Variants in THEM6 observed in about 807,000 individuals in gnomAD.
The protein encoded by THEM6 is protein THEM6.
Under a neutral mutation model 13.7 loss-of-function variants are expected in THEM6, and 10 were observed. That is an observed-to-expected ratio of 0.73 (90% CI 0.45 to 1.24). The LOEUF (loss-of-function observed/expected upper bound fraction) is 1.24. Ranked by LOEUF, THEM6 falls within the 50% of genes most tolerant of loss-of-function variation. THEM6 has a pLI of 0.00. For missense variants in THEM6, 317 were observed against 312.6 expected, an observed-to-expected ratio of 1.01 and a Z score of -0.11; for synonymous variants, 161 against 156.0, an observed-to-expected ratio of 1.03 and a Z score of -0.24.
At chr8:142,730,043 G>A (rs1815608138) in intron 1 of THEM6, among the ~76,000 whole-genome samples, 1 of 152,238 alleles carries the variant, frequency 6.6e-6, no homozygotes, top group African/African-American at 2.4e-5. Context: ...AAGCATTCAA[G>A]GCGGTGGTCT....
intron 1 of THEM6, among the ~76,000 whole-genome samples, chr8:142,731,119 CTT>C (rs1815638394): frequency 6.6e-6 from 1 of 152,170 alleles, no homozygotes; most frequent in Admixed American, 6.5e-5. Flanking sequence ...TTTATAGACT[CTT>C]TTTAAGCTTT....
intron 1 of THEM6, among the ~76,000 whole-genome samples, chr8:142,731,283 G>A (rs1477770854): frequency 6.6e-6 from 1 of 152,050 alleles, no homozygotes; most frequent in Non-Finnish European, 1.5e-5. Flanking sequence ...TTTAAAACTT[G>A]CTTAAACCTT....
At chr8:142,728,584 C>G (rs1350616302) in intron 1 of THEM6, among the ~76,000 whole-genome samples, 2 of 152,354 alleles carry the variant, frequency 1.3e-5, no homozygotes, top group South Asian at 4.1e-4. Context: ...GCACTGCCCT[C>G]TCCGGTCTCG....
rs1815546155 is a variant in THEM6 at position 142,727,879 on chromosome 8, G to A, written c.513+20G>A. On this transcript the variant is annotated intron_variant, in intron 1 of 1. Coordinates refer to ENST00000336138, the MANE Select transcript of THEM6 (RefSeq NM_016647.3). ...CGCAGGGTGAGCGGCCCCCGCCCCT[G>A]GCCCCGGAGCACGGCCTTTGTGGGA... is the stretch of plus-strand genomic sequence containing the variant. 2.2e-6 allele frequency: 3 copies of A among 1,388,892 alleles called. No homozygotes were observed. The highest frequency in any genetic ancestry group is 3.2e-5 in the South Asian group (2 of 62,262). The allele number at this position is 1,388,892 out of a possible 1,614,324, so 86.0% of individuals were successfully genotyped here. A position where few individuals can be genotyped will look rare whatever the true frequency, so the allele number is the denominator to read the frequency against.
intron 1 of THEM6, among the ~76,000 whole-genome samples, chr8:142,729,780 A>T (rs1306853086): frequency 6.6e-6 from 1 of 152,136 alleles, no homozygotes; most frequent in African/African-American, 2.4e-5. Context: ...AGTGAAATAG[A>T]TGAGGGGTTT....
intron 1 of THEM6, among the ~76,000 whole-genome samples, chr8:142,730,778 T>C (rs1343657379): frequency 1.3e-5 from 2 of 151,526 alleles, no homozygotes; most frequent in Non-Finnish European, 2.9e-5. Context: ...AGAGTCTTGC[T>C]CTGTCGCCCA....
Position 142,735,812 on chromosome 8 carries a change from G to A in THEM6, c.*373G>A. 4.1e-6 allele frequency: 1 copy of A among 245,358 alleles called. No individual in the cohort carries two copies. Among genetic ancestry groups the A allele is most frequent in the Non-Finnish European group, 8.3e-6 (1 of 120,842 alleles). The allele number at this position is 245,358 out of a possible 1,614,324, so 15.2% of individuals were successfully genotyped here. ...TAGATCCTGGCTCGGACCACTGCAA[G>A]GGCCGAGGCAGGGCCAGACCAGAGC... On this transcript the variant is annotated 3_prime_UTR_variant, in exon 2 of 2. Transcript: ENST00000336138.
Position 142,732,433 on chromosome 8 carries a change from C to G in THEM6, c.514-2893C>G, listed in dbSNP as rs1587583637. Reference sequence around the variant, plus strand: ...TGTAGGCGTGCTGGTATAAATCCCACAGCAGGACCTGCCCTAAGCCATATG... The same window carrying G: ...TGTAGGCGTGCTGGTATAAATCCCAGAGCAGGACCTGCCCTAAGCCATATG... On this transcript the variant is annotated intron_variant, in intron 1 of 1. Coordinates refer to ENST00000336138, the MANE Select transcript of THEM6 (RefSeq NM_016647.3). Among the ~76,000 whole-genome samples the G allele has an allele frequency of 5.3e-5, 8 of 151,700 alleles. No homozygotes were observed. In the South Asian group the frequency reaches 1.7e-3, roughly 32 times the overall value.
rs781941913 is a variant in THEM6, at chr8:142,727,459, A to G, written c.113A>G (p.Gln38Arg). 3 of 1,564,654 alleles carry G rather than the reference A, an allele frequency of 1.9e-6. No individual in the cohort carries two copies. Among genetic ancestry groups the G allele is most frequent in the Non-Finnish European group, 2.6e-6 (3 of 1,163,246 alleles). Residue 38 changes from glutamine (Q) to arginine (R), a missense_variant, in exon 1 of 2, where the codon CAG becomes CGG. By Grantham distance (43) the Gln-to-Arg change is conservative. Coordinates refer to ENST00000336138, the MANE Select transcript of THEM6 (RefSeq NM_016647.3). Reference sequence around the variant, plus strand: ...GCCGTGCTGCGCGCGCGCCTGCTGCAGCCGCGCGTCCGTGACCTGCTAGCT... The same window carrying G: ...GCCGTGCTGCGCGCGCGCCTGCTGCGGCCGCGCGTCCGTGACCTGCTAGCT... ...PCAVLRARLLQPRVRDLLAEQ... is the reference protein window; with the variant it reads ...PCAVLRARLLRPRVRDLLAEQ...
rs1554642486 is a variant in THEM6, at chr8:142,727,615, C to T, written c.269C>T (p.Ala90Val). 1.3e-6 allele frequency: 2 copies of T among 1,499,606 alleles called. No individual in the cohort carries two copies. Among genetic ancestry groups the T allele is most frequent in the Admixed American group, 2.2e-5 (1 of 46,502 alleles). 92.9% of individuals were successfully genotyped at this position (1,499,606 alleles called of 1,614,324 possible). The change falls in exon 1 of 2, where the codon GCG becomes GTG. Residue 90 changes from alanine (A) to valine (V), a missense_variant. By Grantham distance (64) the Ala-to-Val change is moderately conservative. Coordinates refer to ENST00000336138, the MANE Select transcript of THEM6 (RefSeq NM_016647.3). ...AHLTRCGVLG[A>V]LRELRAHTVL... The stretch of plus-strand genomic sequence containing the variant: ...CTGACCCGCTGCGGGGTGCTCGGGG[C>T]GCTGAGGGAGTTGCGGGCGCACACG...
chr8:142,734,980 T>C lies in THEM6; in HGVS notation c.514-346T>C, dbSNP rs74347529. 1.4e-4 allele frequency: 37 copies of C among 263,226 alleles called. 1 individual carries two copies. The East Asian group carries it at 3.0e-3, about 22-fold the overall frequency. 16.3% of individuals were successfully genotyped at this position (263,226 alleles called of 1,614,324 possible). A position where few individuals can be genotyped will look rare whatever the true frequency, so the allele number is the denominator to read the frequency against. ...GAACTCAGTGAGCCCTGTCTGGTAC[T>C]TTCCTGGAGGAGGGCTCCCATGCTG... On this transcript the variant is annotated intron_variant, in intron 1 of 1. Coordinates refer to ENST00000336138, the MANE Select transcript of THEM6 (RefSeq NM_016647.3).
intron 1 of THEM6, among the ~76,000 whole-genome samples, chr8:142,729,967 G>A (rs1156271297): frequency 2.6e-5 from 4 of 152,178 alleles, no homozygotes; most frequent in African/African-American, 4.8e-5. Context: ...GGGCTGGGAC[G>A]TAAGCATTTG....
At position 142,727,294 on chromosome 8, in the gene THEM6, C is replaced by T; in HGVS notation, c.-53C>T. 4.2e-6 allele frequency: 6 copies of T among 1,417,904 alleles called. No individual in the cohort carries two copies. In the South Asian group the frequency reaches 4.4e-5, roughly 10 times the overall value. The allele number at this position is 1,417,904 out of a possible 1,614,324, so 87.8% of individuals were successfully genotyped here. A position where few individuals can be genotyped will look rare whatever the true frequency, so the allele number is the denominator to read the frequency against. On this transcript the variant is annotated 5_prime_UTR_variant, in exon 1 of 2. Coordinates refer to ENST00000336138, the MANE Select transcript of THEM6 (RefSeq NM_016647.3). ...CGGGCACCGTAACCAGCGCCGCGGA[C>T]ACCGGCACCGGCGCCACGGACTCCG...
intron 1 of THEM6, among the ~76,000 whole-genome samples, chr8:142,728,291 A>G (rs1815561081): frequency 6.6e-6 from 1 of 152,098 alleles, no homozygotes; most frequent in Non-Finnish European, 1.5e-5. Context: ...CCCCTTTCAC[A>G]CAGCTTAGAG....
In THEM6 at chr8:142,732,186, ATATATATATATATATATATATT is replaced by A. The variant is rs1244352188; in HGVS notation, c.514-3138_514-3117del. 2.4e-4 allele frequency among the ~76,000 whole-genome samples: 23 copies of A among 97,212 alleles called. 2 individuals carry two copies. In the Middle Eastern group the frequency reaches 0.015, roughly 63 times the overall value. 63.8% of individuals were successfully genotyped at this position (97,212 alleles called of 152,430 possible). A position where few individuals can be genotyped will look rare whatever the true frequency, so the allele number is the denominator to read the frequency against. ...AATATATATATATATATATATATAT[ATATATATATATATATATATATT>A]TTAACTACTGGAGGTTTGTGTGAGG... is the stretch of plus-strand genomic sequence containing the variant. On this transcript the variant is annotated intron_variant, in intron 1 of 1. Transcript: ENST00000336138.
At chr8:142,730,328 C>T (rs1174471651) in intron 1 of THEM6, among the ~76,000 whole-genome samples, 1 of 151,996 alleles carries the variant, frequency 6.6e-6, no homozygotes, top group African/African-American at 2.4e-5. Flanking sequence ...TTGATGAGGA[C>T]GTGGTTTTCA....
intron 1 of THEM6, among the ~76,000 whole-genome samples, chr8:142,729,473 ACT>A (rs1815598092): frequency 6.6e-6 from 1 of 151,968 alleles, no homozygotes; most frequent in East Asian, 1.9e-4. Context: ...GCATCTTGAT[ACT>A]CTCTCGATGG....
chr8:142,728,037 C>G (rs1554642603), intron 1 of THEM6, among the ~76,000 whole-genome samples, 178 bp downstream of exon 1: 1 of 152,184 alleles, frequency 6.6e-6, no homozygotes, highest in Non-Finnish European at 1.5e-5. Flanking sequence ...GCATTCCTCA[C>G]TGATGCCTTT....
intron 1 of THEM6, among the ~76,000 whole-genome samples, chr8:142,733,654 C>G (rs759490883): frequency 2.0e-5 from 3 of 152,176 alleles, no homozygotes; most frequent in Non-Finnish European, 4.4e-5. Flanking sequence ...CAAAGCTACA[C>G]GGCTCCCTGG....
Sources: gnomAD v4.1 joint callset for allele counts (sites outside exome capture counted in the v4.1 genomes callset) on GRCh38, gnomAD v4.1.1 for gene constraint, MANE v1.5 for transcripts, NCBI Gene and HGNC (gene_info 2026-07-23, HGNC 2026-07-21) for gene names.